Variants in DLG2 observed in about 807,000 individuals in gnomAD.
DLG2 encodes disks large homolog 2.
DLG2 carries 45 observed loss-of-function variants against 132.5 expected under a neutral mutation model. That is an observed-to-expected ratio of 0.34 (90% confidence interval 0.27 to 0.44). The LOEUF (loss-of-function observed/expected upper bound fraction) is 0.44. Among genes scored for constraint, DLG2 ranks in the 20% least tolerant of loss-of-function variants. The pLI is 1.00. For missense variants in DLG2, 1,045 were observed against 1,196.9 expected (o/e 0.87, Z 1.87); for synonymous variants, 424 against 419.6 (o/e 1.01, Z -0.13).
intron 4 of DLG2, among the ~76,000 whole-genome samples, chr11:85,217,206 A>G (rs940813211): frequency 3.9e-5 from 6 of 151,994 alleles, no homozygotes; most frequent in African/African-American, 1.2e-4. Context: ...TATGAACTCA[A>G]ACTCAAGATT....
intron 6 of DLG2, among the ~76,000 whole-genome samples, chr11:85,076,021 G>A (rs1451391893): frequency 3.3e-5 from 5 of 151,910 alleles, no homozygotes; most frequent in Admixed American, 3.3e-4. Flanking sequence ...CTACTTTGAT[G>A]ATCTCAAGTC....
intron 6 of DLG2, among the ~76,000 whole-genome samples, chr11:84,980,259 A>G (rs1177218286): frequency 1.3e-5 from 2 of 152,184 alleles, no homozygotes; most frequent in Admixed American, 1.3e-4. Context: ...TATTAATACA[A>G]TAAGATGTAG....
chr11:84,007,667 T>C (rs1049155732), intron 11 of DLG2, among the ~76,000 whole-genome samples: 6 of 151,698 alleles, frequency 4.0e-5, no homozygotes, highest in African/African-American at 1.4e-4. Context: ...TTTTAATGGA[T>C]CTGTTTTCTA....
At chr11:83,536,051 C>T (rs546196921) in intron 20 of DLG2, among the ~76,000 whole-genome samples, 76 of 152,270 alleles carry the variant, frequency 5.0e-4, no homozygotes, top group Non-Finnish European at 9.8e-4. Flanking sequence ...TCTCAACAAA[C>T]GTGAGATTTT....
intron 7 of DLG2, among the ~76,000 whole-genome samples, chr11:84,534,350 C>T (rs1222565534): frequency 2.0e-5 from 3 of 152,126 alleles, no homozygotes; most frequent in Admixed American, 2.0e-4. Flanking sequence ...CCATTCTCAG[C>T]AACTAAAATG....
intron 6 of DLG2, among the ~76,000 whole-genome samples, chr11:84,590,108 T>G (rs1565387830): frequency 6.6e-6 from 1 of 152,190 alleles, no homozygotes; most frequent in Non-Finnish European, 1.5e-5. Context: ...TCCTACCCTG[T>G]TGGAAGGGCA....
chr11:83,498,518 C>T (rs1372991536), intron 21 of DLG2, among the ~76,000 whole-genome samples: 1 of 151,680 alleles, frequency 6.6e-6, no homozygotes, highest in Non-Finnish European at 1.5e-5. Context: ...AGAATGAAGA[C>T]ACAAGATACC....
chr11:84,120,292 C>T (rs1252047442), intron 9 of DLG2, among the ~76,000 whole-genome samples: 1 of 151,962 alleles, frequency 6.6e-6, no homozygotes, highest in Admixed American at 6.5e-5. Context: ...ACTAAGTAGA[C>T]CCAAATGGAA....
chr11:83,747,000 T>C (rs2092958907), intron 18 of DLG2, among the ~76,000 whole-genome samples: 1 of 152,166 alleles, frequency 6.6e-6, no homozygotes, highest in Non-Finnish European at 1.5e-5. Flanking sequence ...TACCAAATGG[T>C]ACTGATTTAA....
chr11:85,395,830 G>A (rs2087298513), intron 3 of DLG2, among the ~76,000 whole-genome samples: 1 of 152,164 alleles, frequency 6.6e-6, no homozygotes, highest in South Asian at 2.1e-4. Context: ...CACTTCTAAG[G>A]GCAGGGCATA....
rs78755234 is a variant in DLG2, at chr11:85,259,165, T to C, written c.186+26055A>G. The stretch of plus-strand genomic sequence containing the variant: ...GTGAGAGGTCATTGGATTATGGGGC[T>C]GGTTTCTCATGGTTCATCACTGTCC... On this transcript the variant is annotated intron_variant, in intron 4 of 27. Coordinates refer to ENST00000376104, the MANE Select transcript of DLG2 (RefSeq NM_001142699.3). 2.3e-3 allele frequency among the ~76,000 whole-genome samples: 351 copies of C among 152,236 alleles called. 3 individuals are homozygous for C. The highest frequency in any genetic ancestry group is 7.8e-3 in the African/African-American group (325 of 41,546).
In DLG2 at chr11:83,488,525, A is replaced by C. The variant is rs990656872; in HGVS notation, c.2194-4297T>G. Among the ~76,000 whole-genome samples the C allele has an allele frequency of 1.1e-4, 16 of 152,034 alleles. No individual in the cohort carries two copies. In the South Asian group the frequency reaches 1.2e-3, roughly 12 times the overall value. Reference sequence around the variant, plus strand: ...AATCTCATGTTTTTAAACACACATGAGTGAATCTTGACATATTTTATCTTT... The same window carrying C: ...AATCTCATGTTTTTAAACACACATGCGTGAATCTTGACATATTTTATCTTT... On this transcript the variant is annotated intron_variant, in intron 21 of 27. Coordinates refer to ENST00000376104, the MANE Select transcript of DLG2 (RefSeq NM_001142699.3).
At chr11:84,790,679 G>C (rs181728196) in intron 6 of DLG2, among the ~76,000 whole-genome samples, 1 of 152,150 alleles carries the variant, frequency 6.6e-6, no homozygotes, top group Non-Finnish European at 1.5e-5. Context: ...GTCCTGGAGG[G>C]TTTCCCTTAT....
At chr11:83,840,364 A>G (rs1256428454) in intron 16 of DLG2, among the ~76,000 whole-genome samples, 1 of 152,240 alleles carries the variant, frequency 6.6e-6, no homozygotes, top group Non-Finnish European at 1.5e-5. Flanking sequence ...ATGAATGGAT[A>G]AACTCCCACA....
intron 6 of DLG2, among the ~76,000 whole-genome samples, chr11:84,620,752 T>G (rs2099612427): frequency 1.3e-5 from 2 of 152,250 alleles, no homozygotes; most frequent in South Asian, 2.1e-4. Context: ...ACGCTTCTAG[T>G]AGGCAGATGA....
intron 9 of DLG2, among the ~76,000 whole-genome samples, chr11:84,135,347 T>A (rs1421042882): frequency 6.6e-6 from 1 of 152,118 alleles, no homozygotes; most frequent in Non-Finnish European, 1.5e-5. Context: ...TTCTTTTCTA[T>A]TTAATCAAAT....
chr11:85,602,757 C>T (rs1051484578), intron 2 of DLG2, among the ~76,000 whole-genome samples: 5 of 152,308 alleles, frequency 3.3e-5, no homozygotes, highest in African/African-American at 1.2e-4. Flanking sequence ...TCCTCTTGCT[C>T]AATCTACTCC....
chr11:85,387,925 A>G (rs1215037452), intron 3 of DLG2, among the ~76,000 whole-genome samples: 1 of 152,222 alleles, frequency 6.6e-6, no homozygotes, highest in Non-Finnish European at 1.5e-5. Flanking sequence ...AGGTACAACC[A>G]GGAAAACTGA....
At chr11:84,578,960 T>C (rs904908027) in intron 6 of DLG2, among the ~76,000 whole-genome samples, 2 of 152,156 alleles carry the variant, frequency 1.3e-5, no homozygotes, top group African/African-American at 4.8e-5. Flanking sequence ...TGATAGTGAA[T>C]AAGTCTCATG....
Sources: allele counts gnomAD v4.1 joint callset (sites outside exome capture counted in the v4.1 genomes callset), GRCh38; gene constraint gnomAD v4.1.1; transcripts MANE v1.5; gene names NCBI Gene and HGNC (gene_info 2026-07-23, HGNC 2026-07-21).